The following CLNK variants were observed in gnomAD, a reference collection of about 807,000 sequenced individuals.
The protein encoded by CLNK is cytokine dependent hematopoietic cell linker.
A neutral mutation model predicts 68.6 loss-of-function variants in CLNK; 74 were observed. The ratio of observed to expected loss-of-function variants is 1.08; its 90% CI spans 0.89 to 1.31. The LOEUF is 1.31. CLNK is among the 50% of genes most tolerant of loss of function. The pLI is 0.00. For missense variants in CLNK, 553 were observed against 515.3 expected (o/e 1.07, Z -0.71); for synonymous variants, 198 against 172.2 (o/e 1.15, Z -1.17).
rs140234247 is a variant in CLNK at position 10,549,637 on chromosome 4, C to A, written c.446-7357G>T. Among the ~76,000 whole-genome samples the A allele has an allele frequency of 4.5e-4, 68 of 152,228 alleles. No individual in the cohort carries two copies. In the East Asian group the frequency reaches 7.9e-3, roughly 18 times the overall value. On this transcript the variant is annotated intron_variant, in intron 8 of 18. Transcript: ENST00000226951. ...ATAAATGAATTGATGCACTTCAAGG[C>A]ATGGTTCTTAATGCACAGCTGCAGT...
At chr4:10,728,635 C>T in the CLNK span, among the ~76,000 whole-genome samples, 3 of 140,768 alleles carry the variant, frequency 2.1e-5, no homozygotes, top group Non-Finnish European at 3.0e-5. Flanking sequence ...ACGGAGTCTC[C>T]ATCTGTCACC....
chr4:10,596,011 T>C (rs1024318429), intron 3 of CLNK, among the ~76,000 whole-genome samples: 18 of 152,194 alleles, frequency 1.2e-4, no homozygotes, highest in Non-Finnish European at 2.5e-4. Flanking sequence ...CATGAGAGTC[T>C]ACTTTTTCAA....
chr4:10,708,316 A>G, the CLNK span, among the ~76,000 whole-genome samples: 2 of 152,324 alleles, frequency 1.3e-5, no homozygotes, highest in Admixed American at 1.3e-4. Context: ...TATTATTTCT[A>G]GATACTATTC....
rs944627039 is a variant in CLNK at position 10,679,703 on chromosome 4, A to G, written c.-43+4965T>C. Among the ~76,000 whole-genome samples, 18 of 152,316 alleles carry G rather than the reference A, an allele frequency of 1.2e-4. No homozygotes were observed. The South Asian group carries it at 1.9e-3, about 16-fold the overall frequency. On this transcript the variant is annotated intron_variant, in intron 1 of 18. Coordinates refer to ENST00000226951, the MANE Select transcript of CLNK (RefSeq NM_052964.4). Reference sequence around the variant, plus strand: ...CAAACAACCCCATCAAAAAGTGGGCAAAGGATATGAACAGACACTTCTCAA... The same window carrying G: ...CAAACAACCCCATCAAAAAGTGGGCGAAGGATATGAACAGACACTTCTCAA...
rs61795153 is a variant in CLNK, at chr4:10,597,132, C to T, written c.83+846G>A. Among the ~76,000 whole-genome samples, 821 of 152,266 alleles carry T rather than the reference C, an allele frequency of 5.4e-3. 3 individuals are homozygous for T. The highest frequency in any genetic ancestry group is 9.2e-3 in the Non-Finnish European group (626 of 68,022). On this transcript the variant is annotated intron_variant, in intron 3 of 18. Coordinates refer to ENST00000226951, the MANE Select transcript of CLNK (RefSeq NM_052964.4). ...CTGGCACATTTTAGAATTCCAAGAC[C>T]GCTTATAGTGTCTGGCACATAGTAA... is the stretch of plus-strand genomic sequence containing the variant.
chr4:10,679,509 A>G (rs1488218437), intron 1 of CLNK, among the ~76,000 whole-genome samples: 2 of 152,260 alleles, frequency 1.3e-5, no homozygotes, highest in Non-Finnish European at 2.9e-5. Context: ...GCCAAAATTG[A>G]CAAATGGGAT....
intron 1 of CLNK, among the ~76,000 whole-genome samples, chr4:10,682,665 A>G (rs1162694157): frequency 6.6e-6 from 1 of 152,198 alleles, no homozygotes; most frequent in East Asian, 1.9e-4. Flanking sequence ...CACTAGATTC[A>G]TGTCCATTTT....
At chr4:10,572,839 G>GT (rs1257112816) in intron 4 of CLNK, among the ~76,000 whole-genome samples, 3 of 151,870 alleles carry the variant, frequency 2.0e-5, no homozygotes, top group African/African-American at 4.8e-5. Context: ...GTTTTTTCTT[G>GT]TTTTTTTGAG....
At chr4:10,656,710 C>A (rs991219145) in intron 2 of CLNK, 1 of 152,088 alleles carries the variant, frequency 6.6e-6, no homozygotes, top group African/African-American at 2.4e-5. Flanking sequence ...AGGAATATAC[C>A]TTCTGTACAG....
At chr4:10,566,297 G>T in intron 5 of CLNK, 147 bp from the exon 6 acceptor site, 1 of 771,356 alleles carries the variant, frequency 1.3e-6, no homozygotes, top group South Asian at 2.0e-5. Context: ...TTAAATAGAA[G>T]TTTAATTCTT....
chr4:10,629,104 A>G (rs1413474378), intron 2 of CLNK, among the ~76,000 whole-genome samples: 2 of 151,924 alleles, frequency 1.3e-5, no homozygotes, highest in Admixed American at 1.3e-4. Context: ...CCATGCCCCC[A>G]TTCTTTCTGT....
At chr4:10,594,782 A>G (rs776071851) in intron 3 of CLNK, among the ~76,000 whole-genome samples, 2 of 152,226 alleles carry the variant, frequency 1.3e-5, no homozygotes, top group Non-Finnish European at 2.9e-5. Context: ...ATACATATAC[A>G]TAAGAAAGTT....
chr4:10,505,777 A>C (rs1717266068), intron 17 of CLNK, among the ~76,000 whole-genome samples: 1 of 152,196 alleles, frequency 6.6e-6, no homozygotes. Context: ...TCCCCATCTC[A>C]ACATCCTTAC....
chr4:10,557,187 A>G (rs2108817743), intron 8 of CLNK, among the ~76,000 whole-genome samples: 1 of 151,950 alleles, frequency 6.6e-6, no homozygotes, highest in South Asian at 2.1e-4. Context: ...GGTTTTGGCT[A>G]CTCTCTGTCC....
At chr4:10,663,069 C>T (rs1199811330) in intron 2 of CLNK, among the ~76,000 whole-genome samples, 1 of 152,218 alleles carries the variant, frequency 6.6e-6, no homozygotes, top group Non-Finnish European at 1.5e-5. Context: ...GTGACTTTGT[C>T]TCTTCCAAAG....
chr4:10,518,113 G>A (rs1196437735), intron 15 of CLNK, among the ~76,000 whole-genome samples: 1 of 151,976 alleles, frequency 6.6e-6, no homozygotes, highest in African/African-American at 2.4e-5. Flanking sequence ...GAAGCCACAA[G>A]ACAAGGAGAG....
At chr4:10,565,098 C>T (rs138282634) in intron 6 of CLNK, among the ~76,000 whole-genome samples, 1 of 152,194 alleles carries the variant, frequency 6.6e-6, no homozygotes, top group Admixed American at 6.5e-5. Context: ...AGTCACACCC[C>T]ATGCCAGCTC....
chr4:10,575,537 G>T (rs564444629), intron 4 of CLNK, among the ~76,000 whole-genome samples: 6 of 152,224 alleles, frequency 3.9e-5, no homozygotes, highest in African/African-American at 1.2e-4. Flanking sequence ...CTGCACACAC[G>T]TGCACACCAG....
intron 2 of CLNK, among the ~76,000 whole-genome samples, chr4:10,603,697 C>G (rs1560237524): frequency 6.6e-6 from 1 of 152,214 alleles, no homozygotes; most frequent in South Asian, 2.1e-4. Context: ...GAGGGCTCTT[C>G]TGAGTATCCC....
Sources: allele counts gnomAD v4.1 joint callset (sites outside exome capture counted in the v4.1 genomes callset), GRCh38; gene constraint gnomAD v4.1.1; transcripts MANE v1.5; gene names NCBI Gene and HGNC (gene_info 2026-07-23, HGNC 2026-07-21).